HPSE2: variants seen among roughly 807,000 people sequenced by gnomAD.
The protein encoded by HPSE2 is inactive heparanase-2.
HPSE2 carries 38 observed loss-of-function variants against 60.5 expected under a neutral mutation model. The observed-to-expected ratio is 0.63, with a 90% CI of 0.48 to 0.82. The LOEUF is 0.82. HPSE2 is among the 40% of genes least tolerant of loss of function. HPSE2 has a pLI of 0.00. For missense variants in HPSE2, 713 were observed against 740.4 expected (o/e 0.96, Z 0.43); for synonymous variants, 295 against 293.2 (o/e 1.01, Z -0.06).
At chr10:98,901,233 C>A (rs1406312356) in intron 3 of HPSE2, among the ~76,000 whole-genome samples, 2 of 152,118 alleles carry the variant, frequency 1.3e-5, no homozygotes, top group African/African-American at 2.4e-5. Context: ...AGGAGGAGCA[C>A]AACAACACTT....
the HPSE2 span, among the ~76,000 whole-genome samples, chr10:99,261,037 G>A: frequency 2.6e-5 from 4 of 152,174 alleles, no homozygotes; most frequent in Non-Finnish European, 5.9e-5. Flanking sequence ...ACAAGAGCTG[G>A]ATGATTTTTG....
intron 3 of HPSE2, among the ~76,000 whole-genome samples, chr10:98,803,755 T>G (rs1245086283): frequency 2.0e-5 from 3 of 151,234 alleles, no homozygotes; most frequent in East Asian, 1.9e-4. Context: ...TCAGGTAGCA[T>G]GATGCCTCCA....
At chr10:99,136,895 A>G (rs1018347149) in intron 3 of HPSE2, among the ~76,000 whole-genome samples, 1 of 152,208 alleles carries the variant, frequency 6.6e-6, no homozygotes, top group Non-Finnish European at 1.5e-5. Flanking sequence ...GGCTAGGACA[A>G]TCAGGCAAAA....
chr10:98,911,193 G>A (rs1251139484), intron 3 of HPSE2, among the ~76,000 whole-genome samples: 1 of 152,186 alleles, frequency 6.6e-6, no homozygotes, highest in East Asian at 1.9e-4. Flanking sequence ...AGCAAGACAT[G>A]ATGTGATTCC....
intron 3 of HPSE2, among the ~76,000 whole-genome samples, chr10:98,904,369 T>G: frequency 6.6e-6 from 1 of 152,126 alleles, no homozygotes; most frequent in East Asian, 1.9e-4. Context: ...GCCAACCAGA[T>G]AGTAAGCTTG....
At chr10:98,960,730 T>TTTTTTTTTTTTTTTTTTG (rs1955647062) in intron 3 of HPSE2, among the ~76,000 whole-genome samples, 2 of 24,798 alleles carry the variant, frequency 8.1e-5, no homozygotes, top group Admixed American at 3.4e-4. Context: ...TGTTTTATTT[T>TTTTTTTTTTTTTTTTTTG]TTTTATTTTA....
At chr10:98,770,754 C>CT in intron 3 of HPSE2, among the ~76,000 whole-genome samples, 1 of 152,188 alleles carries the variant, frequency 6.6e-6, no homozygotes, top group East Asian at 1.9e-4. Context: ...CTAATCGTAT[C>CT]TTAGTGTCTG....
chr10:98,593,859 G>T (rs12244614), intron 9 of HPSE2, among the ~76,000 whole-genome samples: 16,624 of 152,080 alleles, frequency 0.11, 1,577 homozygotes, highest in African/African-American at 0.27. Flanking sequence ...TCTCATTTCA[G>T]GGTAACACAA....
At chr10:98,798,121 C>G (rs1950822748) in intron 3 of HPSE2, among the ~76,000 whole-genome samples, 1 of 151,950 alleles carries the variant, frequency 6.6e-6, no homozygotes, top group Non-Finnish European at 1.5e-5. Flanking sequence ...ATAGGTCTGG[C>G]AGCAGATTTT....
At chr10:99,197,268 A>C (rs1848432946) in intron 2 of HPSE2, among the ~76,000 whole-genome samples, 1 of 152,162 alleles carries the variant, frequency 6.6e-6, no homozygotes, top group Admixed American at 6.5e-5. Context: ...GTTAATGGGT[A>C]CAAAAAAATA....
At chr10:98,768,394 C>T (rs1950171685) in intron 3 of HPSE2, among the ~76,000 whole-genome samples, 1 of 152,026 alleles carries the variant, frequency 6.6e-6, no homozygotes, top group Non-Finnish European at 1.5e-5. Context: ...TGCTTTTCAC[C>T]GTGAGCTCCT....
At chr10:99,284,837 A>G in the HPSE2 span, among the ~76,000 whole-genome samples, 1 of 152,218 alleles carries the variant, frequency 6.6e-6, no homozygotes, top group Non-Finnish European at 1.5e-5. Context: ...CATCAATGAT[A>G]GACTGGATAA....
chr10:98,609,966 C>G (rs368489397), intron 9 of HPSE2, among the ~76,000 whole-genome samples: 3 of 151,666 alleles, frequency 2.0e-5, no homozygotes, highest in Admixed American at 1.3e-4. Flanking sequence ...CTCAGCCTCT[C>G]GAGCAGCTAG....
At chr10:98,508,535 C>A (rs895624630) in intron 9 of HPSE2, among the ~76,000 whole-genome samples, 3 of 152,170 alleles carry the variant, frequency 2.0e-5, no homozygotes, top group African/African-American at 7.2e-5. Flanking sequence ...AAGTTTCTAA[C>A]CTAGCAAGAA....
chr10:99,040,512 C>T (rs1589560591), intron 3 of HPSE2, among the ~76,000 whole-genome samples: 3 of 152,130 alleles, frequency 2.0e-5, no homozygotes, highest in African/African-American at 7.2e-5. Context: ...TTCTTCTAAT[C>T]TGTTTTTCAT....
chr10:98,476,658 T>C (rs1941035316), intron 11 of HPSE2, among the ~76,000 whole-genome samples: 1 of 151,660 alleles, frequency 6.6e-6, no homozygotes, highest in Non-Finnish European at 1.5e-5. Flanking sequence ...GGCGTGGTGG[T>C]GCATGCCTGT....
intron 4 of HPSE2, among the ~76,000 whole-genome samples, chr10:98,725,612 T>G (rs993621031): frequency 6.6e-6 from 1 of 152,076 alleles, no homozygotes; most frequent in Non-Finnish European, 1.5e-5. Flanking sequence ...CCAAAAGCAA[T>G]GGCAACAAAA....
the HPSE2 span, among the ~76,000 whole-genome samples, chr10:99,289,061 G>T: frequency 6.6e-6 from 1 of 152,040 alleles, no homozygotes; most frequent in Non-Finnish European, 1.5e-5. Flanking sequence ...TTTTCACATG[G>T]TAACATTCTG....
intron 3 of HPSE2, among the ~76,000 whole-genome samples, chr10:98,764,872 A>G (rs1048604661): frequency 6.6e-6 from 1 of 152,144 alleles, no homozygotes; most frequent in East Asian, 1.9e-4. Flanking sequence ...GTCATAAAAA[A>G]CAAACAAACA....
Sources: gnomAD v4.1 joint callset for allele counts (sites outside exome capture counted in the v4.1 genomes callset) on GRCh38, gnomAD v4.1.1 for gene constraint, MANE v1.5 for transcripts, NCBI Gene and HGNC (gene_info 2026-07-23, HGNC 2026-07-21) for gene names.